Variants in PTPRN observed in about 807,000 individuals in gnomAD.
PTPRN encodes receptor-type tyrosine-protein phosphatase-like N.
Under a neutral mutation model 108.5 loss-of-function variants are expected in PTPRN, and 70 were observed. That is an observed-to-expected ratio of 0.65 (90% CI 0.53 to 0.79). The LOEUF (loss-of-function observed/expected upper bound fraction) is 0.79. Ranked by LOEUF, PTPRN falls within the 30% of genes least tolerant of loss-of-function variation. The pLI, the probability that PTPRN is intolerant of heterozygous loss-of-function variation, is 0.00. For synonymous variants in PTPRN, 496 were observed against 524.6 expected (o/e 0.95, Z 0.75); for missense variants, 1,136 against 1,295.5 (o/e 0.88, Z 1.89).
intron 2 of PTPRN, 107 bp from the exon 3 acceptor site, chr2:219,307,664 C>A: frequency 6.9e-7 from 1 of 1,456,550 alleles, no homozygotes; most frequent in Non-Finnish European, 9.6e-7. Flanking sequence ...ACCTCTCCTC[C>A]TCCAGGCAAG....
chr2:219,293,145 A>AG lies in PTPRN; in HGVS notation c.2676-1623dup, dbSNP rs1347783917. ...TCTTTTATTAATTTGTTTTCCTTCTAGGGGGGCTTGACCAAACTGCATTTA... is the reference window on the plus strand; with the variant it reads ...TCTTTTATTAATTTGTTTTCCTTCTAGGGGGGGCTTGACCAAACTGCATTTA... On this transcript the variant is annotated intron_variant, in intron 19 of 22. Coordinates refer to ENST00000295718, the MANE Select transcript of PTPRN (RefSeq NM_002846.4). Among the ~76,000 whole-genome samples the AG allele has an allele frequency of 2.1e-5, 3 of 145,470 alleles. No individual in the cohort carries two copies. The Admixed American group carries it at 2.1e-4, about 10-fold the overall frequency.
At chr2:219,299,536 T>G in intron 10 of PTPRN, 152 bp from the exon 11 acceptor site, 1 of 1,124,796 alleles carries the variant, frequency 8.9e-7, no homozygotes, top group South Asian at 1.4e-5. Context: ...AGATGCTGGG[T>G]GGGGCCAGCA....
chr2:219,303,691 C>A (rs1952414072), intron 4 of PTPRN, 44 bp downstream of exon 4: 1 of 1,548,220 alleles, frequency 6.5e-7, no homozygotes, highest in Non-Finnish European at 8.9e-7. Context: ...ACCACAGATT[C>A]ATCAGCCTCA....
chr2:219,303,872 G>A (rs1354081737), intron 3 of PTPRN, 41 bp from the exon 4 acceptor site: 1 of 1,508,720 alleles, frequency 6.6e-7, no homozygotes, highest in African/African-American at 1.4e-5. Flanking sequence ...TCAGGAGTCT[G>A]GGGATCCAGT....
chr2:219,296,912 C>T lies in PTPRN; in HGVS notation c.2236+73G>A. 1 of 1,608,484 alleles carries T rather than the reference C, an allele frequency of 6.2e-7. No homozygotes were observed. Among genetic ancestry groups the T allele is most frequent in the Admixed American group, 1.7e-5 (1 of 59,802 alleles). On this transcript the variant is annotated intron_variant, in intron 15 of 22. Coordinates refer to ENST00000295718, the MANE Select transcript of PTPRN (RefSeq NM_002846.4). This position sits in a 1 kb window ranked among gnomAD's most constrained non-coding sequence, Gnocchi z 6.0. ...ACTCAGCCTGAGCCAGAAGCCCAAC[C>T]CCTTACCCCAAGCCCTCCAGACCTC...
At chr2:219,293,071 G>C (rs961720517) in intron 19 of PTPRN, among the ~76,000 whole-genome samples, 1 of 152,120 alleles carries the variant, frequency 6.6e-6, no homozygotes, top group African/African-American at 2.4e-5. Flanking sequence ...CACAGGTAGC[G>C]GAATGGAGGG....
At chr2:219,308,534 C>T (rs928912513) in intron 1 of PTPRN, among the ~76,000 whole-genome samples, 6 of 152,132 alleles carry the variant, frequency 3.9e-5, no homozygotes, top group Non-Finnish European at 8.8e-5. Context: ...CGAGGCTGCG[C>T]CCCTTCCCCC....
intron 19 of PTPRN, chr2:219,294,301 C>T: frequency 2.5e-6 from 1 of 396,762 alleles, no homozygotes; most frequent in Non-Finnish European, 5.2e-6. Context: ...CAGAGAGAAA[C>T]TGGCAGACAG....
chr2:219,303,771 G>A lies in PTPRN; in HGVS notation c.341C>T (p.Pro114Leu), dbSNP rs1308997757. 1 of 1,614,122 alleles carries A rather than the reference G, an allele frequency of 6.2e-7. No homozygotes were observed. Among genetic ancestry groups the A allele is most frequent in the South Asian group, 1.1e-5 (1 of 91,076 alleles). The change falls in exon 4 of 23, where the codon CCC becomes CTC. Residue 114 changes from proline (P) to leucine (L), a missense_variant. Coordinates refer to ENST00000295718, the MANE Select transcript of PTPRN (RefSeq NM_002846.4). The part of the protein sequence containing the change: ...YVISQEMERI[P>L]RLRPPEPRPR... The stretch of plus-strand genomic sequence containing the variant: ...ACGGGGCTCTGGGGGGCGAAGCCTG[G>A]GGATGCGCTCCATCTCCTGAGAGAT...
At position 219,299,364 on chromosome 2, in the gene PTPRN, G is replaced by A. The variant is rs375009720; in HGVS notation, c.1544C>T (p.Thr515Ile). 221 of 1,614,074 alleles carry A rather than the reference G, an allele frequency of 1.4e-4. No individual in the cohort carries two copies. The highest frequency in any genetic ancestry group is 1.8e-4 in the Non-Finnish European group (212 of 1,180,034). Residue 515 changes from threonine to isoleucine, a missense_variant, in exon 11 of 23, where the codon ACC becomes ATC. Thr to Ile is a moderately conservative substitution (Grantham distance 89). Transcript: ENST00000295718. ...CTGCTCATTGTGCCGGATGCGGAAG[G>A]TGAGGGCTGGTCCCACCACACTGCC... ...INISVVGPAL[T>I]FRIRHNEQNL...
chr2:219,307,962 T>A, intron 1 of PTPRN, 120 bp from the exon 2 acceptor site: 1 of 976,606 alleles, frequency 1.0e-6, no homozygotes, highest in Non-Finnish European at 1.6e-6. Context: ...AAAGAAGGCC[T>A]TAAGCTGGGA....
At position 219,302,737 on chromosome 2, in the gene PTPRN, G is replaced by T; in HGVS notation, c.478C>A (p.Pro160Thr). 2 of 1,613,606 alleles carry T rather than the reference G, an allele frequency of 1.2e-6. No homozygotes were observed. The highest frequency in any genetic ancestry group is 1.7e-5 in the Admixed American group (1 of 59,914). Residue 160 changes from proline to threonine, a missense_variant, in exon 5 of 23, where the codon CCA becomes ACA. Physicochemically the swap from Pro to Thr is conservative, Grantham distance 38. Transcript: ENST00000295718. ...CCAGCTCCACCTTTGCCCACTGGTG[G>T]TTGTGGAAGCCGATGCTGGGCAGCA... Reference protein sequence around the residue: ...APAAQHRLPQPPVGKGGAGAS... With the variant: ...APAAQHRLPQTPVGKGGAGAS...
intron 1 of PTPRN, chr2:219,308,104 G>C: frequency 2.1e-6 from 1 of 480,144 alleles, no homozygotes; most frequent in South Asian, 2.6e-5. Context: ...AAACCTTCCA[G>C]GTGCAGGGAG....
intron 19 of PTPRN, 34 bp downstream of exon 19, chr2:219,294,941 T>C: frequency 1.4e-6 from 2 of 1,474,916 alleles, no homozygotes; most frequent in Non-Finnish European, 1.8e-6. Flanking sequence ...CCCCCGCCCA[T>C]GCGGTCCCTC....
rs1447267979 is a variant in PTPRN, at chr2:219,290,561, G to A, written c.2845C>T (p.Arg949Trp). 3.2e-6 allele frequency: 5 copies of A among 1,551,620 alleles called. No individual in the cohort carries two copies. Among genetic ancestry groups the A allele is most frequent in the Admixed American group, 2.0e-5 (1 of 50,980 alleles). The change falls in exon 22 of 23, where the codon CGG becomes TGG. Residue 949 changes from arginine (R) to tryptophan (W), a missense_variant. Transcript: ENST00000295718. The surrounding 1 kb of genome is among the most constrained non-coding windows in gnomAD (Gnocchi z 4.2). ...ACCTTAGAGCGGACAAGGCCAGGCC[G>A]CTGGTCACGGACATGCTCCAGGGTG... ...AATLEHVRDQ[R>W]PGLVRSKDQF...
rs975734467 is a variant in PTPRN, at chr2:219,299,297, A to T, written c.1603+8T>A. The stretch of plus-strand genomic sequence containing the variant: ...CAAGCCTGGGATTGAGGTCGCAGAG[A>T]TATTTACCTGCTTGTTGGGTCACAT... On this transcript the variant is annotated splice_region_variant and intron_variant, in intron 11 of 22. Coordinates refer to ENST00000295718, the MANE Select transcript of PTPRN (RefSeq NM_002846.4). 1 of 1,613,952 alleles carries T rather than the reference A, an allele frequency of 6.2e-7. No individual in the cohort carries two copies. The highest frequency in any genetic ancestry group is 1.1e-5 in the South Asian group (1 of 91,084).
chr2:219,299,228 C>T, intron 11 of PTPRN, 77 bp downstream of exon 11: 1 of 1,599,374 alleles, frequency 6.3e-7, no homozygotes, highest in South Asian at 1.1e-5. Context: ...AAGGGGGCAT[C>T]AGCAACAGGC....
At chr2:219,307,280 G>A (rs1952506817) in intron 3 of PTPRN, 164 bp downstream of exon 3, 3 of 609,794 alleles carry the variant, frequency 4.9e-6, no homozygotes, top group African/African-American at 1.8e-5. Flanking sequence ...GAGTCCAAAT[G>A]TGAATAGCCC....
In PTPRN at chr2:219,299,772, GC is replaced by G; in HGVS notation, c.1450del (p.Ala484LeufsTer4). On this transcript the variant is annotated frameshift_variant, in exon 10 of 23. Coordinates refer to ENST00000295718, the MANE Select transcript of PTPRN (RefSeq NM_002846.4). LOFTEE classifies it high-confidence loss of function. The stretch of plus-strand genomic sequence containing the variant: ...GATCTCCAGCAGCTTCACTCCTGCA[GC>G]CAGGCTCAGGGGCCTGGAGATGGGA... Reference protein sequence around the residue: ...IVTDQKPLSLAAGVKLLEILA... With the variant: ...IVTDQKPLSLXAGVKLLEILA... The G allele has an allele frequency of 3.1e-6, 5 of 1,610,224 alleles. No individual in the cohort carries two copies. Among genetic ancestry groups the G allele is most frequent in the Non-Finnish European group, 4.2e-6 (5 of 1,177,080 alleles).
Sources: gnomAD v4.1 joint callset for allele counts (sites outside exome capture counted in the v4.1 genomes callset) on GRCh38, gnomAD v4.1.1 for gene constraint, Gnocchi (gnomAD v3.1) non-coding constraint, MANE v1.5 for transcripts, NCBI Gene and HGNC (gene_info 2026-07-23, HGNC 2026-07-21) for gene names.